PALMD: variants seen among roughly 807,000 people sequenced by gnomAD.
The protein encoded by PALMD is paralemmin-like protein.
Under a neutral mutation model 56.2 loss-of-function variants are expected in PALMD, and 42 were observed. The observed-to-expected ratio is 0.75, with a 90% CI of 0.58 to 0.97. The LOEUF (loss-of-function observed/expected upper bound fraction) is 0.97. PALMD is among the 50% of genes least tolerant of loss of function. The pLI is 0.00. For missense variants in PALMD, 660 were observed against 643.8 expected (o/e 1.03, Z -0.27); for synonymous variants, 242 against 222.9 (o/e 1.09, Z -0.76).
intron 3 of PALMD, 114 bp downstream of exon 3, chr1:99,667,880 TTC>T: frequency 1.9e-6 from 2 of 1,057,294 alleles, no homozygotes. Context: ...CCATTTGAAT[TTC>T]TTTTTTTTTT....
At chr1:99,646,733 T>G (rs1021070662) in intron 1 of PALMD, among the ~76,000 whole-genome samples, 1 of 152,258 alleles carries the variant, frequency 6.6e-6, no homozygotes, top group African/African-American at 2.4e-5. Context: ...TTGGAAACTT[T>G]TTTAAGCTAT....
intron 3 of PALMD, among the ~76,000 whole-genome samples, chr1:99,683,078 GAGAGAGAGAGAGAAAGAA>G (rs1164336811): frequency 3.6e-4 from 7 of 19,594 alleles, no homozygotes; most frequent in Admixed American, 1.1e-3. Flanking sequence ...GAGAGAGAGA[GAGAGAGAGAGAGAAAGAA>G]AGAAAGAAAG....
intron 3 of PALMD, chr1:99,669,039 A>G (rs1296361833): frequency 6.6e-6 from 1 of 152,212 alleles, no homozygotes; most frequent in African/African-American, 2.4e-5. Context: ...AAGATCTGAA[A>G]CACAAAAGTA....
At chr1:99,663,471 A>G (rs1370638530) in intron 2 of PALMD, among the ~76,000 whole-genome samples, 1 of 152,154 alleles carries the variant, frequency 6.6e-6, no homozygotes, top group African/African-American at 2.4e-5. Flanking sequence ...GTGCAATTCA[A>G]ATGAAGTCAA....
chr1:99,652,606 A>T (rs1217084549), intron 1 of PALMD, among the ~76,000 whole-genome samples: 1 of 151,556 alleles, frequency 6.6e-6, no homozygotes, highest in African/African-American at 2.4e-5. Context: ...TCCGTCAGAA[A>T]AGAAAAGAAA....
At chr1:99,651,350 T>A (rs980149798) in intron 1 of PALMD, among the ~76,000 whole-genome samples, 2 of 152,228 alleles carry the variant, frequency 1.3e-5, no homozygotes, top group Non-Finnish European at 2.9e-5. Context: ...GTTTTTCCAC[T>A]GTGCAACAAA....
chr1:99,662,459 C>A, intron 2 of PALMD, 60 bp downstream of exon 2: 2 of 981,510 alleles, frequency 2.0e-6, no homozygotes, highest in Admixed American at 2.2e-5. Flanking sequence ...TATTGGTACT[C>A]AAATTTCAAT....
At chr1:99,673,935 C>A (rs1653146379) in intron 3 of PALMD, among the ~76,000 whole-genome samples, 2 of 152,030 alleles carry the variant, frequency 1.3e-5, no homozygotes, top group African/African-American at 4.8e-5. Flanking sequence ...AGAGGACCAG[C>A]TAAAGAAGCC....
intron 1 of PALMD, among the ~76,000 whole-genome samples, chr1:99,661,399 T>C (rs889086673): frequency 6.6e-6 from 1 of 152,228 alleles, no homozygotes; most frequent in African/African-American, 2.4e-5. Context: ...TAACAAGTTA[T>C]ATATTTATTT....
intron 7 of PALMD, among the ~76,000 whole-genome samples, chr1:99,691,741 T>A (rs1197313534): frequency 6.6e-6 from 1 of 152,166 alleles, no homozygotes; most frequent in Non-Finnish European, 1.5e-5. Context: ...CAAAAAACGC[T>A]TATGATACTT....
chr1:99,681,086 CAT>C (rs1368412262), intron 3 of PALMD, among the ~76,000 whole-genome samples: 2 of 140,704 alleles, frequency 1.4e-5, no homozygotes, highest in African/African-American at 5.3e-5. Flanking sequence ...TATATATATA[CAT>C]ATATGTGTGT....
At chr1:99,677,775 G>A (rs1047633617) in intron 3 of PALMD, among the ~76,000 whole-genome samples, 3 of 152,138 alleles carry the variant, frequency 2.0e-5, no homozygotes, top group African/African-American at 7.2e-5. Context: ...AAGAACAAAA[G>A]GAGAATGGAC....
In PALMD at chr1:99,667,624, T is replaced by C. The variant is rs756157973; in HGVS notation, c.127-18T>C. ...ATTGACCAATATAAGAACATATCTT[T>C]ATGTTTCCTGACATCAGAAAAAGGC... On this transcript the variant is annotated intron_variant, in intron 2 of 7. Transcript: ENST00000263174. The C allele has an allele frequency of 3.7e-6, 6 of 1,608,978 alleles. No individual in the cohort carries two copies. The African/African-American group carries it at 5.4e-5, about 14-fold the overall frequency.
In PALMD at chr1:99,694,148, TTCTG is replaced by T; in HGVS notation, c.*87_*90del. 1.1e-6 allele frequency: 1 copy of T among 916,614 alleles called. No individual in the cohort carries two copies. The highest frequency in any genetic ancestry group is 1.7e-6 in the Non-Finnish European group (1 of 587,604). The allele number at this position is 916,614 out of a possible 1,614,324, so 56.8% of individuals were successfully genotyped here. A position where few individuals can be genotyped will look rare whatever the true frequency, so the allele number is the denominator to read the frequency against. The stretch of plus-strand genomic sequence containing the variant: ...CTCTTCTGGATATTTTGTTTATTTT[TTCTG>T]AAGTCCAAAAAATTATCATTACAGT... On this transcript the variant is annotated 3_prime_UTR_variant, in exon 8 of 8. Coordinates refer to ENST00000263174, the MANE Select transcript of PALMD (RefSeq NM_017734.5).
chr1:99,676,440 A>G (rs1653215218), intron 3 of PALMD, among the ~76,000 whole-genome samples: 2 of 152,256 alleles, frequency 1.3e-5, no homozygotes, highest in East Asian at 3.9e-4. Flanking sequence ...GTTTTGTTAT[A>G]TGGATACACT....
At chr1:99,675,099 T>G (rs768296428) in intron 3 of PALMD, among the ~76,000 whole-genome samples, 7 of 152,244 alleles carry the variant, frequency 4.6e-5, no homozygotes, top group Non-Finnish European at 1.0e-4. Context: ...TTATTAGGAT[T>G]GGAATTTATA....
chr1:99,659,567 G>A (rs1320473490), intron 1 of PALMD, among the ~76,000 whole-genome samples: 1 of 152,176 alleles, frequency 6.6e-6, no homozygotes, highest in African/African-American at 2.4e-5. Flanking sequence ...ATGAAAAACT[G>A]GGAAGAAATT....
chr1:99,667,586 G>T, intron 2 of PALMD, 56 bp from the exon 3 acceptor site: 2 of 1,477,730 alleles, frequency 1.4e-6, no homozygotes, highest in Non-Finnish European at 1.9e-6. Flanking sequence ...AGCAGTAAGA[G>T]ATTTTGGAAA....
In PALMD at chr1:99,688,965, A is replaced by T. The variant is rs768382794; in HGVS notation, c.705A>T (p.Ala235=). ...SAAYNGTDGL[A]PVEVEELLRQ... ...CATACAATGGCACCGATGGCCTGGC[A>T]CCAGTTGAAGTAGAGGAACTTCTAA... Residue 235 remains alanine (A), a synonymous_variant, in exon 7 of 8, where the codon GCA becomes GCT. Transcript: ENST00000263174. The T allele has an allele frequency of 6.2e-7, 1 of 1,613,704 alleles. No individual in the cohort carries two copies. The highest frequency in any genetic ancestry group is 1.1e-5 in the South Asian group (1 of 91,068).
Sources: gnomAD v4.1 joint callset for allele counts (sites outside exome capture counted in the v4.1 genomes callset) on GRCh38, gnomAD v4.1.1 for gene constraint, MANE v1.5 for transcripts, NCBI Gene and HGNC (gene_info 2026-07-23, HGNC 2026-07-21) for gene names.